KCNT2: variants seen among roughly 807,000 people sequenced by gnomAD.
The protein encoded by KCNT2 is potassium channel subfamily T member 2.
Under a neutral mutation model 153.8 loss-of-function variants are expected in KCNT2, and 67 were observed. That is an observed-to-expected ratio of 0.44 (90% CI 0.36 to 0.53). The LOEUF is 0.53. Among genes scored for constraint, KCNT2 ranks in the 20% least tolerant of loss-of-function variants. The pLI is 0.00. For synonymous variants in KCNT2, 500 were observed against 458.8 expected (o/e 1.09, Z -1.15); for missense variants, 975 against 1,354.8 (o/e 0.72, Z 4.40).
At chr1:196,502,888 A>G (rs759746875) in intron 1 of KCNT2, among the ~76,000 whole-genome samples, 1 of 152,154 alleles carries the variant, frequency 6.6e-6, no homozygotes, top group Non-Finnish European at 1.5e-5. Context: ...AAAGAAATAT[A>G]GAATAATTAT....
intron 23 of KCNT2, 36 bp downstream of exon 23, chr1:196,285,621 A>G (rs758493470): frequency 1.6e-5 from 21 of 1,293,346 alleles, no homozygotes; most frequent in Non-Finnish European, 2.1e-5. Flanking sequence ...ACAGAAAACA[A>G]CCATTTTAGA....
chr1:196,312,249 A>G (rs1662255370), intron 21 of KCNT2, among the ~76,000 whole-genome samples: 1 of 151,458 alleles, frequency 6.6e-6, no homozygotes, highest in Non-Finnish European at 1.5e-5. Flanking sequence ...GCGAACAGCC[A>G]ATTGCTTAGG....
intron 25 of KCNT2, among the ~76,000 whole-genome samples, chr1:196,265,376 A>G (rs1295181091): frequency 6.6e-6 from 1 of 152,222 alleles, no homozygotes; most frequent in Non-Finnish European, 1.5e-5. Flanking sequence ...AAATGAACTT[A>G]ATGCCTGGAA....
chr1:196,553,258 T>C (rs553352298), intron 1 of KCNT2, among the ~76,000 whole-genome samples: 5 of 151,292 alleles, frequency 3.3e-5, no homozygotes, highest in African/African-American at 4.8e-5. Flanking sequence ...GCTATACTTA[T>C]ATGAGACAAA....
At chr1:196,416,875 A>G (rs1672799202) in intron 12 of KCNT2, among the ~76,000 whole-genome samples, 1 of 151,812 alleles carries the variant, frequency 6.6e-6, no homozygotes, top group Non-Finnish European at 1.5e-5. Context: ...TATTCATTCT[A>G]TTTTATTTTG....
intron 3 of KCNT2, among the ~76,000 whole-genome samples, chr1:196,484,373 G>GT (rs1266422580): frequency 6.6e-6 from 1 of 151,470 alleles, no homozygotes; most frequent in East Asian, 1.9e-4. Context: ...TGATGGGGTT[G>GT]TTTTTTTCAT....
intron 3 of KCNT2, among the ~76,000 whole-genome samples, chr1:196,486,330 T>A (rs1045475985): frequency 6.6e-6 from 1 of 151,890 alleles, no homozygotes; most frequent in African/African-American, 2.4e-5. Flanking sequence ...AATAAAAAAA[T>A]GCAAAGCAAA....
intron 8 of KCNT2, among the ~76,000 whole-genome samples, chr1:196,446,178 T>C (rs1675668672): frequency 6.6e-6 from 1 of 151,464 alleles, no homozygotes; most frequent in African/African-American, 2.4e-5. Context: ...TAAAAGCTTC[T>C]ACTCTGTATT....
intron 12 of KCNT2, among the ~76,000 whole-genome samples, chr1:196,412,257 C>T (rs1452824440): frequency 4.0e-5 from 6 of 151,618 alleles, no homozygotes; most frequent in East Asian, 1.9e-4. Context: ...CTTACTAGTA[C>T]GTAAGATGGC....
chr1:196,412,822 C>T (rs1052223494), intron 12 of KCNT2, among the ~76,000 whole-genome samples: 11 of 151,606 alleles, frequency 7.3e-5, no homozygotes, highest in Admixed American at 5.3e-4. Flanking sequence ...GGGTTCGACA[C>T]TTAATCAATA....
intron 25 of KCNT2, among the ~76,000 whole-genome samples, chr1:196,263,104 TC>T (rs572945571): frequency 1.8e-3 from 270 of 152,258 alleles, no homozygotes; most frequent in African/African-American, 5.0e-3. Context: ...ATTTCCTTTT[TC>T]ATACATAAAA....
chr1:196,509,242 C>T (rs949330680), intron 1 of KCNT2, among the ~76,000 whole-genome samples: 1 of 138,680 alleles, frequency 7.2e-6, no homozygotes, highest in African/African-American at 2.7e-5. Flanking sequence ...GCCCTCCAGC[C>T]GGGGCAAAAA....
At chr1:196,485,819 G>A (rs1275782351) in intron 3 of KCNT2, among the ~76,000 whole-genome samples, 3 of 151,622 alleles carry the variant, frequency 2.0e-5, no homozygotes, top group Admixed American at 1.3e-4. Flanking sequence ...TAAAAAAAAA[G>A]AATGTGGGAT....
chr1:196,442,424 C>T (rs1675315535), intron 8 of KCNT2, among the ~76,000 whole-genome samples: 1 of 151,748 alleles, frequency 6.6e-6, no homozygotes, highest in Admixed American at 6.6e-5. Context: ...ATGTAAAAAC[C>T]AGCATGACTG....
intron 13 of KCNT2, among the ~76,000 whole-genome samples, chr1:196,384,957 G>C (rs1572251393): frequency 1.3e-5 from 2 of 151,978 alleles, no homozygotes; most frequent in East Asian, 3.9e-4. Flanking sequence ...CAGACAGACA[G>C]ACAAATAGGC....
At chr1:196,587,764 T>C (rs1662866587) in intron 1 of KCNT2, among the ~76,000 whole-genome samples, 1 of 152,080 alleles carries the variant, frequency 6.6e-6, no homozygotes, top group African/African-American at 2.4e-5. Flanking sequence ...CCAAACTCTT[T>C]GATATTTGCT....
chr1:196,226,339 C>G lies in KCNT2; in HGVS notation c.*1885G>C, dbSNP rs955378749. On this transcript the variant is annotated 3_prime_UTR_variant, in exon 28 of 28. Transcript: ENST00000294725. Reference sequence around the variant, plus strand: ...AGTTCATAAAATTTATTGTTTTTCTCTGTTACATATATTAGTTCCATTCTG... The same window carrying G: ...AGTTCATAAAATTTATTGTTTTTCTGTGTTACATATATTAGTTCCATTCTG... The G allele has an allele frequency of 6.6e-6, 1 of 151,982 alleles. No homozygotes were observed. Among genetic ancestry groups the G allele is most frequent in the African/African-American group, 2.4e-5 (1 of 41,444 alleles). 9.4% of individuals were successfully genotyped at this position (151,982 alleles called of 1,614,324 possible). A position where few individuals can be genotyped will look rare whatever the true frequency, so the allele number is the denominator to read the frequency against.
At chr1:196,240,363 C>T (rs1379755682) in intron 26 of KCNT2, among the ~76,000 whole-genome samples, 2 of 151,894 alleles carry the variant, frequency 1.3e-5, no homozygotes, top group East Asian at 1.9e-4. Context: ...TTAGAATTAA[C>T]ATTTATTCTA....
chr1:196,287,918 A>T (rs1450412372), intron 22 of KCNT2, among the ~76,000 whole-genome samples: 1 of 152,120 alleles, frequency 6.6e-6, no homozygotes, highest in African/African-American at 2.4e-5. Flanking sequence ...AAAATAGGCA[A>T]AAACACTTGG....
Sources: allele counts gnomAD v4.1 joint callset (sites outside exome capture counted in the v4.1 genomes callset), GRCh38; gene constraint gnomAD v4.1.1; transcripts MANE v1.5; gene names NCBI Gene and HGNC (gene_info 2026-07-23, HGNC 2026-07-21).